Variants in LRP1B observed in about 807,000 individuals in gnomAD.
LRP1B encodes LDL receptor related protein 1B, also known as low-density lipoprotein receptor-related protein 1B.
LRP1B carries 217 observed loss-of-function variants against 556.6 expected under a neutral mutation model. The observed-to-expected ratio is 0.39, with a 90% confidence interval of 0.35 to 0.44. The LOEUF (loss-of-function observed/expected upper bound fraction) is 0.44, where lower values mean the gene tolerates loss of function less well. LRP1B is among the 20% of genes least tolerant of loss of function. LRP1B has a pLI of 1.00. For synonymous variants in LRP1B, 2,047 were observed against 1,865.8 expected, an observed-to-expected ratio of 1.10 and a Z score of -2.50; for missense variants, 5,053 against 5,620.8, an observed-to-expected ratio of 0.90 and a Z score of 3.23.
intron 7 of LRP1B, among the ~76,000 whole-genome samples, chr2:141,077,164 C>T (rs1432851160): frequency 6.6e-6 from 1 of 152,126 alleles, no homozygotes; most frequent in Non-Finnish European, 1.5e-5. Flanking sequence ...AGAAGAATCA[C>T]TAGAACCCAG....
At position 141,058,914 on chromosome 2, in the gene LRP1B, G is replaced by T. The variant is rs2105462611; in HGVS notation, c.1377C>A (p.Ile459=). The T allele has an allele frequency of 1.3e-6, 2 of 1,589,132 alleles. No individual in the cohort carries two copies. Among genetic ancestry groups the T allele is most frequent in the African/African-American group, 1.4e-5 (1 of 73,390 alleles). The part of the protein sequence containing the change: ...SLIKIENAWG[I]RIYQKRTQPT... ...GTTGAGTTCTTTTTTGATAAATTCG[G>T]ATTCCCCAAGCATTCTCAATTTTAA... The change falls in exon 9 of 91, where the codon ATC becomes ATA. Residue 459 remains isoleucine, a synonymous_variant. Coordinates refer to ENST00000389484, the MANE Select transcript of LRP1B (RefSeq NM_018557.3).
At position 140,719,303 on chromosome 2, in the gene LRP1B, T is replaced by C. The variant is rs574468337; in HGVS notation, c.5759-2487A>G. The stretch of plus-strand genomic sequence containing the variant: ...CATTAAGGAACAGAAGGTATACACA[T>C]GAAGAAATGGCTAACAACCAGAAAT... On this transcript the variant is annotated intron_variant, in intron 35 of 90. Transcript: ENST00000389484. Among the ~76,000 whole-genome samples, 4 of 151,998 alleles carry C rather than the reference T, an allele frequency of 2.6e-5. No individual in the cohort carries two copies. In the South Asian group the frequency reaches 6.2e-4, roughly 24 times the overall value.
intron 7 of LRP1B, among the ~76,000 whole-genome samples, chr2:141,157,425 T>C (rs1702094601): frequency 6.6e-6 from 1 of 152,252 alleles, no homozygotes; most frequent in African/African-American, 2.4e-5. Context: ...TCTTGCTTTC[T>C]TCTTCAGGGT....
At chr2:140,287,149 A>G (rs1032752247) in intron 84 of LRP1B, among the ~76,000 whole-genome samples, 1 of 151,820 alleles carries the variant, frequency 6.6e-6, no homozygotes, top group African/African-American at 2.4e-5. Context: ...AGGAGTGTGA[A>G]CTCAGACTAT....
At chr2:141,475,203 T>G (rs6429892) in intron 3 of LRP1B, among the ~76,000 whole-genome samples, 77,688 of 151,914 alleles carry the variant, frequency 0.51, 20,102 homozygotes, top group Non-Finnish European at 0.55. Flanking sequence ...TGAAACCCCC[T>G]CTATACTAAA....
intron 3 of LRP1B, among the ~76,000 whole-genome samples, chr2:141,430,782 T>C (rs1680532161): frequency 6.6e-6 from 1 of 151,900 alleles, no homozygotes; most frequent in South Asian, 2.1e-4. Context: ...CCAATCTAGG[T>C]GCTGTTGTGA....
intron 7 of LRP1B, among the ~76,000 whole-genome samples, chr2:141,101,693 T>C (rs1700466406): frequency 6.6e-6 from 1 of 152,184 alleles, no homozygotes; most frequent in African/African-American, 2.4e-5. Flanking sequence ...TTTCTTATAT[T>C]AGCCTTTTTC....
intron 88 of LRP1B, 90 bp downstream of exon 88, chr2:140,239,352 T>G (rs941645320): frequency 2.5e-5 from 19 of 762,588 alleles, no homozygotes; most frequent in Admixed American, 2.3e-4. Context: ...AACTAAATCA[T>G]GTTTAAAAAA....
At position 140,868,083 on chromosome 2, in the gene LRP1B, A is replaced by T. The variant is rs2105155748; in HGVS notation, c.4334+16T>A. 1 of 1,573,396 alleles carries T rather than the reference A, an allele frequency of 6.4e-7. No homozygotes were observed. The stretch of plus-strand genomic sequence containing the variant: ...AAGTAAAAAAAAAAATACAGAAAAG[A>T]GATGATTTTTTAAACCTGGCGTCTG... On this transcript the variant is annotated intron_variant, in intron 26 of 90. Coordinates refer to ENST00000389484, the MANE Select transcript of LRP1B (RefSeq NM_018557.3).
chr2:140,827,890 A>G (rs1288882950), intron 31 of LRP1B, among the ~76,000 whole-genome samples: 1 of 152,146 alleles, frequency 6.6e-6, no homozygotes, highest in African/African-American at 2.4e-5. Context: ...CAAATAACAC[A>G]TAAAGGAGCT....
At chr2:140,327,971 TAAAAGAGATAGTCTTCTAAATTA>T (rs1356356422) in intron 79 of LRP1B, among the ~76,000 whole-genome samples, 1 of 152,020 alleles carries the variant, frequency 6.6e-6, no homozygotes, top group Non-Finnish European at 1.5e-5. Flanking sequence ...AGCCCTTTAA[TAAAAGAGATAGTCTTCTAAATTA>T]AAAAGTTAAT....
chr2:140,980,551 A>G (rs958076781), intron 18 of LRP1B, among the ~76,000 whole-genome samples: 35 of 152,128 alleles, frequency 2.3e-4, no homozygotes, highest in African/African-American at 8.4e-4. Flanking sequence ...TACTTTATCT[A>G]TACTTTATTC....
At chr2:140,359,019 C>A in intron 72 of LRP1B, 73 bp from the exon 73 acceptor site, 2 of 1,422,852 alleles carry the variant, frequency 1.4e-6, no homozygotes, top group Non-Finnish European at 1.9e-6. Context: ...CTTCCTTTTT[C>A]TTTTATTCTT....
chr2:142,075,599 C>T (rs1029332689), intron 1 of LRP1B, among the ~76,000 whole-genome samples: 10 of 151,938 alleles, frequency 6.6e-5, no homozygotes, highest in South Asian at 2.1e-4. Flanking sequence ...TCAGGAAGGG[C>T]GTTTATCAGT....
At chr2:141,053,746 C>T (rs553103347) in intron 10 of LRP1B, among the ~76,000 whole-genome samples, 1 of 151,864 alleles carries the variant, frequency 6.6e-6, no homozygotes, top group Admixed American at 6.6e-5. Flanking sequence ...ACATTAGGGA[C>T]AATTGAATAA....
chr2:140,586,766 C>T (rs1265110353), intron 43 of LRP1B: 2 of 152,018 alleles, frequency 1.3e-5, no homozygotes, highest in African/African-American at 4.8e-5. Context: ...CAGTTAAAAA[C>T]AGAAGGGTTG....
intron 3 of LRP1B, among the ~76,000 whole-genome samples, chr2:141,348,724 G>A (rs749950360): frequency 2.6e-4 from 40 of 151,956 alleles, no homozygotes; most frequent in Admixed American, 2.2e-3. Context: ...GATTTTGCTA[G>A]TCAGCATGTT....
At chr2:140,271,829 T>C (rs1488830838) in intron 85 of LRP1B, among the ~76,000 whole-genome samples, 1 of 151,944 alleles carries the variant, frequency 6.6e-6, no homozygotes, top group Admixed American at 6.6e-5. Context: ...TGGTGTCTAA[T>C]AGACTAAGTG....
intron 2 of LRP1B, among the ~76,000 whole-genome samples, chr2:141,742,374 C>T (rs1476070221): frequency 6.6e-6 from 1 of 151,780 alleles, no homozygotes; most frequent in East Asian, 1.9e-4. Context: ...GCCTCAGCCT[C>T]TCGAGTAGCT....
Sources: allele counts gnomAD v4.1 joint callset (sites outside exome capture counted in the v4.1 genomes callset), GRCh38; gene constraint gnomAD v4.1.1; transcripts MANE v1.5; gene names NCBI Gene and HGNC (gene_info 2026-07-23, HGNC 2026-07-21).